The following ZCCHC17 variants were observed in gnomAD, a reference collection of about 807,000 sequenced individuals.
The protein encoded by ZCCHC17 is zinc finger CCHC-type containing 17.
A neutral mutation model predicts 30.6 loss-of-function variants in ZCCHC17; 18 were observed. That is an observed-to-expected ratio of 0.59 (90% CI 0.41 to 0.87). The LOEUF (loss-of-function observed/expected upper bound fraction) is 0.87, where lower values mean the gene tolerates loss of function less well. ZCCHC17 is among the 40% of genes least tolerant of loss of function. The pLI is 0.00. For missense variants in ZCCHC17, 263 were observed against 284.2 expected (o/e 0.93, Z 0.54); for synonymous variants, 88 against 92.4 (o/e 0.95, Z 0.27).
intron 3 of ZCCHC17, among the ~76,000 whole-genome samples, chr1:31,335,991 G>T (rs975425322): frequency 2.0e-5 from 3 of 151,998 alleles, no homozygotes; most frequent in African/African-American, 7.2e-5. Context: ...GTTCATTAGG[G>T]TTGTTTTATG....
intron 7 of ZCCHC17, among the ~76,000 whole-genome samples, chr1:31,351,183 A>C (rs1569911631): frequency 6.6e-6 from 1 of 152,130 alleles, no homozygotes; most frequent in East Asian, 1.9e-4. Context: ...CCAGTCTCCC[A>C]AGAAAGAAAC....
At chr1:31,307,579 G>GTT (rs754266433) in intron 1 of ZCCHC17, among the ~76,000 whole-genome samples, 8 of 135,370 alleles carry the variant, frequency 5.9e-5, no homozygotes, top group Non-Finnish European at 8.1e-5. Context: ...GATTTTTGTT[G>GTT]TTTTTTTTTT....
At chr1:31,357,027 G>A (rs915015410) in intron 7 of ZCCHC17, among the ~76,000 whole-genome samples, 15 of 152,144 alleles carry the variant, frequency 9.9e-5, no homozygotes, top group African/African-American at 3.4e-4. Flanking sequence ...TTTCTGAATC[G>A]GTGTTATGTT....
At chr1:31,305,811 C>G (rs1222316879) in intron 1 of ZCCHC17, among the ~76,000 whole-genome samples, 1 of 152,074 alleles carries the variant, frequency 6.6e-6, no homozygotes, top group African/African-American at 2.4e-5. Context: ...ATAGAACCCT[C>G]GGTTTCTACA....
intron 3 of ZCCHC17, among the ~76,000 whole-genome samples, chr1:31,331,099 G>A (rs1462643693): frequency 6.6e-6 from 1 of 152,044 alleles, no homozygotes; most frequent in African/African-American, 2.4e-5. Context: ...GAATGAAATT[G>A]TAATTTAGGA....
At chr1:31,340,936 T>G (rs1340789211) in intron 5 of ZCCHC17, among the ~76,000 whole-genome samples, 1 of 152,206 alleles carries the variant, frequency 6.6e-6, no homozygotes, top group East Asian at 1.9e-4. Flanking sequence ...GAATACATAC[T>G]GCAGTGCCAG....
chr1:31,310,929 T>C (rs565564234), intron 2 of ZCCHC17, among the ~76,000 whole-genome samples: 1 of 152,296 alleles, frequency 6.6e-6, no homozygotes, highest in South Asian at 2.1e-4. Context: ...CCTAATTATA[T>C]CTCTGGTCTA....
Position 31,298,395 on chromosome 1 carries a change from T to G in ZCCHC17, c.-56+1320T>G, listed in dbSNP as rs903643653. Among the ~76,000 whole-genome samples, 6 of 151,928 alleles carry G rather than the reference T, an allele frequency of 3.9e-5. 1 individual carries two copies. Among genetic ancestry groups the G allele is most frequent in the Admixed American group, 1.3e-4 (2 of 15,284 alleles). On this transcript the variant is annotated intron_variant, in intron 1 of 7. Coordinates refer to ENST00000344147, the MANE Select transcript of ZCCHC17 (RefSeq NM_016505.4). The stretch of plus-strand genomic sequence containing the variant: ...GAGACCAGTTTTTTTTTGTTTTTTT[T>G]TTTTTTTTGAGACAGGTTCTTGCTC...
At chr1:31,323,327 CTTTT>C (rs969676471) in intron 3 of ZCCHC17, among the ~76,000 whole-genome samples, 2 of 149,170 alleles carry the variant, frequency 1.3e-5, no homozygotes, top group South Asian at 2.1e-4. Flanking sequence ...TTCTTTCTTT[CTTTT>C]TTTTTTTTGA....
chr1:31,350,781 T>C (rs953634551), intron 7 of ZCCHC17, among the ~76,000 whole-genome samples: 2 of 152,124 alleles, frequency 1.3e-5, no homozygotes, highest in African/African-American at 4.8e-5. Flanking sequence ...TGTATTTTTT[T>C]AGTAGAGACA....
At chr1:31,299,715 T>G (rs1181870701) in intron 1 of ZCCHC17, among the ~76,000 whole-genome samples, 1 of 152,096 alleles carries the variant, frequency 6.6e-6, no homozygotes, top group Non-Finnish European at 1.5e-5. Flanking sequence ...GCCAAAGTCT[T>G]TTATTGCAAT....
At chr1:31,317,736 A>G (rs1386378899) in intron 2 of ZCCHC17, among the ~76,000 whole-genome samples, 1 of 152,144 alleles carries the variant, frequency 6.6e-6, no homozygotes, top group Admixed American at 6.5e-5. Flanking sequence ...TGGAGTAGCT[A>G]GGACTACAGG....
intron 1 of ZCCHC17, among the ~76,000 whole-genome samples, chr1:31,308,878 C>A (rs547605885): frequency 6.6e-6 from 1 of 152,236 alleles, no homozygotes; most frequent in African/African-American, 2.4e-5. Context: ...GTACATCCAA[C>A]AATGGATTAT....
At chr1:31,359,118 G>A (rs1038250090) in intron 7 of ZCCHC17, among the ~76,000 whole-genome samples, 3 of 152,256 alleles carry the variant, frequency 2.0e-5, no homozygotes, top group African/African-American at 7.2e-5. Flanking sequence ...CCACGTGGAG[G>A]TTACTGGTAA....
intron 7 of ZCCHC17, among the ~76,000 whole-genome samples, chr1:31,354,915 C>G (rs1639588900): frequency 6.6e-6 from 1 of 152,158 alleles, no homozygotes; most frequent in African/African-American, 2.4e-5. Flanking sequence ...TGGCTCATGC[C>G]TGTAATCCCA....
chr1:31,316,282 A>G (rs1417079761), intron 2 of ZCCHC17, among the ~76,000 whole-genome samples: 1 of 152,080 alleles, frequency 6.6e-6, no homozygotes, highest in Non-Finnish European at 1.5e-5. Context: ...TTGTATTTTT[A>G]GTAGAGATGG....
intron 1 of ZCCHC17, among the ~76,000 whole-genome samples, chr1:31,305,553 G>T (rs2148408087): frequency 6.6e-6 from 1 of 152,276 alleles, no homozygotes; most frequent in East Asian, 1.9e-4. Context: ...GCCTTCCAAA[G>T]TGCTGGGATA....
At chr1:31,330,305 G>T (rs780891000) in intron 3 of ZCCHC17, among the ~76,000 whole-genome samples, 2 of 152,198 alleles carry the variant, frequency 1.3e-5, no homozygotes, top group African/African-American at 4.8e-5. Context: ...GTCAGGTTTC[G>T]TTTTTTTCCT....
At chr1:31,306,676 G>GTT (rs141564305) in intron 1 of ZCCHC17, among the ~76,000 whole-genome samples, 1 of 151,224 alleles carries the variant, frequency 6.6e-6, no homozygotes, top group African/African-American at 2.4e-5. Flanking sequence ...ATGCATGCCA[G>GTT]TTTTTTTTTG....
Sources: gnomAD v4.1 joint callset for allele counts (sites outside exome capture counted in the v4.1 genomes callset) on GRCh38, gnomAD v4.1.1 for gene constraint, MANE v1.5 for transcripts, NCBI Gene and HGNC (gene_info 2026-07-23, HGNC 2026-07-21) for gene names.